Variants in SH3GL2 observed in about 807,000 individuals in gnomAD.
The protein encoded by SH3GL2 is SH3 domain containing GRB2 like 2, endophilin A1, also known as endophilin-A1.
A neutral mutation model predicts 46.0 loss-of-function variants in SH3GL2; 24 were observed. That is an observed-to-expected ratio of 0.52 (90% CI 0.38 to 0.73). The LOEUF (loss-of-function observed/expected upper bound fraction) is 0.73, where lower values mean the gene tolerates loss of function less well. SH3GL2 is among the 30% of genes least tolerant of loss of function. The pLI is 0.00. For missense variants in SH3GL2, 413 were observed against 424.2 expected (o/e 0.97, Z 0.23); for synonymous variants, 196 against 147.1 (o/e 1.33, Z -2.40).
intron 1 of SH3GL2, among the ~76,000 whole-genome samples, chr9:17,707,570 C>G (rs928087609): frequency 6.6e-6 from 1 of 152,048 alleles, no homozygotes; most frequent in Admixed American, 6.6e-5. Flanking sequence ...TTGTGCTATG[C>G]AACAGTCACT....
intron 3 of SH3GL2, among the ~76,000 whole-genome samples, chr9:17,772,627 G>A (rs1823519576): frequency 6.6e-6 from 1 of 152,076 alleles, no homozygotes; most frequent in Admixed American, 6.5e-5. Context: ...TATTTCACTT[G>A]GCATAATGTC....
intron 1 of SH3GL2, among the ~76,000 whole-genome samples, chr9:17,670,284 A>G (rs185214929): frequency 9.2e-5 from 14 of 152,224 alleles, no homozygotes; most frequent in African/African-American, 3.4e-4. Flanking sequence ...TTGCAGTCTG[A>G]TCTTCCAGGC....
At chr9:17,626,013 C>T (rs1336184288) in intron 1 of SH3GL2, among the ~76,000 whole-genome samples, 1 of 152,208 alleles carries the variant, frequency 6.6e-6, no homozygotes. Context: ...TCCTTTACTT[C>T]AGTCTTCCCC....
chr9:17,667,515 GT>G (rs1458811386), intron 1 of SH3GL2, among the ~76,000 whole-genome samples: 1 of 152,060 alleles, frequency 6.6e-6, no homozygotes, highest in Non-Finnish European at 1.5e-5. Context: ...TACAACATTT[GT>G]TTTTATGGCA....
In SH3GL2 at chr9:17,594,191, C is replaced by T. The variant is rs563407903; in HGVS notation, c.45+14904C>T. ...TCTGAAGTGTCATCTGTGTCCTGCT[C>T]AGTGATCTGCTTTCACTCTCACACT... On this transcript the variant is annotated intron_variant, in intron 1 of 8. Coordinates refer to ENST00000380607, the MANE Select transcript of SH3GL2 (RefSeq NM_003026.5). Among the ~76,000 whole-genome samples, 114 of 152,288 alleles carry T rather than the reference C, an allele frequency of 7.5e-4. 3 individuals carry two copies. In the South Asian group the frequency reaches 0.023, roughly 30 times the overall value.
chr9:17,673,869 G>A (rs1820537337), intron 1 of SH3GL2, among the ~76,000 whole-genome samples: 1 of 152,086 alleles, frequency 6.6e-6, no homozygotes, highest in African/African-American at 2.4e-5. Flanking sequence ...CCCATCTGCT[G>A]CCATCCCAGA....
At chr9:17,727,166 T>C (rs1158985858) in intron 1 of SH3GL2, among the ~76,000 whole-genome samples, 1 of 152,178 alleles carries the variant, frequency 6.6e-6, no homozygotes, top group African/African-American at 2.4e-5. Context: ...GAGCAACATA[T>C]ATAAGTTTGA....
intron 1 of SH3GL2, among the ~76,000 whole-genome samples, chr9:17,596,752 T>C (rs1818578369): frequency 6.6e-6 from 1 of 152,190 alleles, no homozygotes; most frequent in South Asian, 2.1e-4. Context: ...AATATATTCT[T>C]CTCAGCAACC....
chr9:17,765,873 A>G (rs111423479), intron 3 of SH3GL2, among the ~76,000 whole-genome samples: 4 of 152,340 alleles, frequency 2.6e-5, no homozygotes, highest in East Asian at 1.9e-4. Context: ...CAGGCAGCCA[A>G]CAGGCACTGG....
chr9:17,708,192 C>T (rs531927536), intron 1 of SH3GL2, among the ~76,000 whole-genome samples: 1 of 152,074 alleles, frequency 6.6e-6, no homozygotes, highest in Admixed American at 6.6e-5. Flanking sequence ...ATTGCTGTTC[C>T]CAGGTTCTGT....
intron 1 of SH3GL2, among the ~76,000 whole-genome samples, chr9:17,693,568 A>G (rs1453629642): frequency 6.7e-6 from 1 of 148,966 alleles, no homozygotes; most frequent in Non-Finnish European, 1.5e-5. Context: ...ATGGACACAC[A>G]CATACACACA....
chr9:17,605,684 T>C (rs1818748700), intron 1 of SH3GL2, among the ~76,000 whole-genome samples: 1 of 152,202 alleles, frequency 6.6e-6, no homozygotes, highest in Non-Finnish European at 1.5e-5. Context: ...TATGTTTGTG[T>C]TCAGTGTACA....
chr9:17,673,009 ATCAC>A (rs1342879082), intron 1 of SH3GL2, among the ~76,000 whole-genome samples: 1 of 152,156 alleles, frequency 6.6e-6, no homozygotes, highest in Non-Finnish European at 1.5e-5. Flanking sequence ...ATTTGGCAGT[ATCAC>A]TCGGCTCTTT....
intron 1 of SH3GL2, among the ~76,000 whole-genome samples, chr9:17,723,982 A>G (rs1244558013): frequency 6.6e-6 from 1 of 151,924 alleles, no homozygotes; most frequent in Non-Finnish European, 1.5e-5. Flanking sequence ...AGTTTTTTGT[A>G]CTTGTAATTC....
chr9:17,594,791 C>T (rs1818541924), intron 1 of SH3GL2, among the ~76,000 whole-genome samples: 1 of 152,104 alleles, frequency 6.6e-6, no homozygotes, highest in Non-Finnish European at 1.5e-5. Flanking sequence ...CATTCTGTTG[C>T]CAGTTCCTAG....
intron 2 of SH3GL2, among the ~76,000 whole-genome samples, chr9:17,750,266 G>A (rs924719463): frequency 6.6e-5 from 10 of 151,698 alleles, no homozygotes; most frequent in African/African-American, 2.4e-4. Context: ...TTTTCTGCTC[G>A]TCAGGCATTT....
At chr9:17,754,762 T>C (rs1822941864) in intron 2 of SH3GL2, among the ~76,000 whole-genome samples, 1 of 152,172 alleles carries the variant, frequency 6.6e-6, no homozygotes, top group Admixed American at 6.5e-5. Context: ...GTGAAGGAGA[T>C]TGTTCCTGAG....
intron 1 of SH3GL2, among the ~76,000 whole-genome samples, chr9:17,709,236 A>G (rs1821555239): frequency 6.6e-6 from 1 of 152,036 alleles, no homozygotes; most frequent in African/African-American, 2.4e-5. Context: ...TTATTTGTAT[A>G]CTACTTGTAA....
chr9:17,712,167 T>C (rs1318788125), intron 1 of SH3GL2, among the ~76,000 whole-genome samples: 1 of 151,826 alleles, frequency 6.6e-6, no homozygotes, highest in African/African-American at 2.4e-5. Flanking sequence ...GTGATTTTCT[T>C]ATTGTTTCTT....
Sources: gnomAD v4.1 joint callset for allele counts (sites outside exome capture counted in the v4.1 genomes callset) on GRCh38, gnomAD v4.1.1 for gene constraint, MANE v1.5 for transcripts, NCBI Gene and HGNC (gene_info 2026-07-23, HGNC 2026-07-21) for gene names.